Variants in PTPRN observed in about 807,000 individuals in gnomAD.
PTPRN encodes the protein receptor-type tyrosine-protein phosphatase-like N.
PTPRN carries 70 observed loss-of-function variants against 108.5 expected under a neutral mutation model. The observed-to-expected ratio is 0.65, with a 90% CI of 0.53 to 0.79. The LOEUF is 0.79. Ranked by LOEUF, PTPRN falls within the 30% of genes least tolerant of loss-of-function variation. The pLI, the probability that PTPRN is intolerant of heterozygous loss-of-function variation, is 0.00. For missense variants in PTPRN, 1,136 were observed against 1,295.5 expected, an observed-to-expected ratio of 0.88 and a Z score of 1.89; for synonymous variants, 496 against 524.6, an observed-to-expected ratio of 0.95 and a Z score of 0.75.
Position 219,297,973 on chromosome 2 carries a change from A to G in PTPRN, c.1799T>C (p.Val600Ala). 1 of 1,613,860 alleles carries G rather than the reference A, an allele frequency of 6.2e-7. No homozygotes were observed. The highest frequency in any genetic ancestry group is 8.5e-7 in the Non-Finnish European group (1 of 1,179,984). ...LLVALAVALC[V>A]RQHARQQDKE... Reference sequence around the variant, plus strand: ...GTCTTGCTGCCGCGCATGCTGCCGCACACACAGAGCCACAGCCAGAGCCAC... The same window carrying G: ...GTCTTGCTGCCGCGCATGCTGCCGCGCACACAGAGCCACAGCCAGAGCCAC... The change falls in exon 13 of 23, where the codon GTG becomes GCG. Residue 600 changes from valine (V) to alanine (A), a missense_variant. Transcript: ENST00000295718. This position sits in a 1 kb window ranked among gnomAD's most constrained non-coding sequence, Gnocchi z 6.0.
chr2:219,290,531 T>C lies in PTPRN; in HGVS notation c.2868+7A>G. ...GAGCTGGGGTTGGGGCAGGAAGGCA[T>C]GGTCACCTTAGAGCGGACAAGGCCA... On this transcript the variant is annotated splice_region_variant and intron_variant, in intron 22 of 22. Coordinates refer to ENST00000295718, the MANE Select transcript of PTPRN (RefSeq NM_002846.4). This position sits in a 1 kb window ranked among gnomAD's most constrained non-coding sequence, Gnocchi z 4.2. 3 of 1,551,026 alleles carry C rather than the reference T, an allele frequency of 1.9e-6. No homozygotes were observed. The highest frequency in any genetic ancestry group is 2.6e-6 in the Non-Finnish European group (3 of 1,146,548).
intron 7 of PTPRN, among the ~76,000 whole-genome samples, chr2:219,301,306 C>G (rs1952339628): frequency 6.9e-6 from 1 of 145,782 alleles, no homozygotes; most frequent in Non-Finnish European, 1.5e-5. Flanking sequence ...CTCATTGTCA[C>G]CAACCCATCC....
chr2:219,307,540 A>G lies in PTPRN; in HGVS notation c.184T>C (p.Cys62Arg). The change falls in exon 3 of 23, where the codon TGC becomes CGC. Residue 62 changes from cysteine (C) to arginine (R), a missense_variant. Physicochemically the swap from Cys to Arg is radical, Grantham distance 180. Transcript: ENST00000295718. The stretch of plus-strand genomic sequence containing the variant: ...CGGGCCTGCCCCACTCCCACCTGGC[A>G]CTGCCCAAACAAGCCATCTAAGGGC... ...VCIQDGLFGQ[C>R]QVGVGQARPL... 6.2e-7 allele frequency: 1 copy of G among 1,614,092 alleles called. No individual in the cohort carries two copies. Among genetic ancestry groups the G allele is most frequent in the Non-Finnish European group, 8.5e-7 (1 of 1,179,990 alleles).
rs749059438 is a variant in PTPRN, at chr2:219,301,637, T to G, written c.1077A>C (p.Thr359=). The G allele has an allele frequency of 6.2e-7, 1 of 1,613,276 alleles. No individual in the cohort carries two copies. The highest frequency in any genetic ancestry group is 8.5e-7 in the Non-Finnish European group (1 of 1,179,388). ...LRQLTPEQLS[T]LLTLLQLLPK... ...GCAGTAGCTGCAGCAGGGTCAGGAG[T>G]GTGGAGAGCTGCTCAGGGGTCAGCT... The change falls in exon 7 of 23, where the codon ACA becomes ACC. Residue 359 remains threonine (T), a synonymous_variant. Transcript: ENST00000295718.
At position 219,307,837 on chromosome 2, in the gene PTPRN, G is replaced by A; in HGVS notation, c.121C>T (p.Leu41=). The part of the protein sequence containing the change: ...GCSAVSAHGC[L]FDRRLCSHLE... ...TGAGAGCAGAGCCTGCGGTCAAATAGACAGCCTGTAGAGGAAAAGGTGAGC... is the reference window on the plus strand; with the variant it reads ...TGAGAGCAGAGCCTGCGGTCAAATAAACAGCCTGTAGAGGAAAAGGTGAGC... Residue 41 remains leucine, a synonymous_variant, in exon 2 of 23, where the codon CTA becomes TTA. Coordinates refer to ENST00000295718, the MANE Select transcript of PTPRN (RefSeq NM_002846.4). 6.2e-7 allele frequency: 1 copy of A among 1,614,188 alleles called. No homozygotes were observed. Among genetic ancestry groups the A allele is most frequent in the Non-Finnish European group, 8.5e-7 (1 of 1,180,018 alleles).
chr2:219,297,212 GGGCCCA>G lies in PTPRN; in HGVS notation c.2088+15_2088+20del. On this transcript the variant is annotated intron_variant, in intron 14 of 22. Coordinates refer to ENST00000295718, the MANE Select transcript of PTPRN (RefSeq NM_002846.4). The surrounding 1 kb of genome is among the most constrained non-coding windows in gnomAD (Gnocchi z 6.0). The stretch of plus-strand genomic sequence containing the variant: ...ACCATCCCATTCCTTCACCCACTCT[GGGCCCA>G]GGCCCTGTCCTGACCAGAATCATGT... The G allele has an allele frequency of 6.2e-7, 1 of 1,611,530 alleles. No individual in the cohort carries two copies.
intron 19 of PTPRN, 79 bp downstream of exon 19, chr2:219,294,896 G>T: frequency 7.4e-7 from 1 of 1,343,628 alleles, no homozygotes; most frequent in Non-Finnish European, 9.7e-7. Flanking sequence ...CCGACCCGGG[G>T]CTCCAGGCCG....
rs1047963288 is a variant in PTPRN at position 219,296,791 on chromosome 2, C to G, written c.2268G>C (p.Glu756Asp). Residue 756 changes from glutamate (E) to aspartate (D), a missense_variant, in exon 16 of 23, where the codon GAG becomes GAC. By Grantham distance (45) the Glu-to-Asp change is conservative. Transcript: ENST00000295718. The surrounding 1 kb of genome is among the most constrained non-coding windows in gnomAD (Gnocchi z 6.0). ...YDHARIKLKVESSPSRSDYIN... is the reference protein window; with the variant it reads ...YDHARIKLKVDSSPSRSDYIN... ...TGTAATCGCTCCGAGAAGGGCTGCT[C>G]TCCACCTTCAGTTTTATGCGGGCAT... 6.2e-7 allele frequency: 1 copy of G among 1,614,074 alleles called. No homozygotes were observed. The highest frequency in any genetic ancestry group is 8.5e-7 in the Non-Finnish European group (1 of 1,179,994).
At chr2:219,293,609 T>G (rs1472909547) in intron 19 of PTPRN, among the ~76,000 whole-genome samples, 1 of 152,224 alleles carries the variant, frequency 6.6e-6, no homozygotes, top group Non-Finnish European at 1.5e-5. Flanking sequence ...ATGCACTAGT[T>G]CTACCAGGAT....
At position 219,290,240 on chromosome 2, in the gene PTPRN, C is replaced by T. The variant is rs150698514; in HGVS notation, c.2926G>A (p.Ala976Thr). The T allele has an allele frequency of 1.2e-6, 2 of 1,613,998 alleles. No individual in the cohort carries two copies. The highest frequency in any genetic ancestry group is 1.3e-5 in the African/African-American group (1 of 75,020). The change falls in exon 23 of 23, where the codon GCC becomes ACC. Residue 976 changes from alanine to threonine, a missense_variant. Ala to Thr is a moderately conservative substitution (Grantham distance 58). Transcript: ENST00000295718. This position sits in a 1 kb window ranked among gnomAD's most constrained non-coding sequence, Gnocchi z 4.2. ...GCCCCAGGGTCTCACTGGGGCAGGGCCTTGAGGATGGCATTCACTTCCTCC... is the reference window on the plus strand; with the variant it reads ...GCCCCAGGGTCTCACTGGGGCAGGGTCTTGAGGATGGCATTCACTTCCTCC... Reference protein sequence around the residue: ...VAEEVNAILKALPQ With the variant: ...VAEEVNAILKTLPQ
Position 219,295,149 on chromosome 2 carries a change from G to A in PTPRN, c.2509-8C>T. On this transcript the variant is annotated splice_region_variant and splice_polypyrimidine_tract_variant and intron_variant, in intron 18 of 22. Coordinates refer to ENST00000295718, the MANE Select transcript of PTPRN (RefSeq NM_002846.4). The stretch of plus-strand genomic sequence containing the variant: ...CTCCGACACCAGGTTCACCTGCCCG[G>A]CAGGGGCCCAGGCCTGAGCGCCGCG... 1.2e-6 allele frequency: 2 copies of A among 1,607,366 alleles called. No homozygotes were observed. The highest frequency in any genetic ancestry group is 1.3e-5 in the African/African-American group (1 of 74,338).
chr2:219,297,813 T>C lies in PTPRN; in HGVS notation c.1887+72A>G, dbSNP rs1388776611. 6.7e-7 allele frequency: 1 copy of C among 1,487,414 alleles called. No individual in the cohort carries two copies. The allele number at this position is 1,487,414 out of a possible 1,614,324, so 92.1% of individuals were successfully genotyped here. On this transcript the variant is annotated intron_variant, in intron 13 of 22. Coordinates refer to ENST00000295718, the MANE Select transcript of PTPRN (RefSeq NM_002846.4). The surrounding 1 kb of genome is among the most constrained non-coding windows in gnomAD (Gnocchi z 6.0). The stretch of plus-strand genomic sequence containing the variant: ...TCACTCCCCATTCAGTTCCGACCCT[T>C]AGTCCACGCAAGACCCAGACTCCCA...
At chr2:219,301,456 A>G in intron 7 of PTPRN, 132 bp downstream of exon 7, 6 of 1,294,946 alleles carry the variant, frequency 4.6e-6, no homozygotes, top group African/African-American at 1.5e-5. Flanking sequence ...CAATGACCCT[A>G]TGTCTCAAAG....
chr2:219,305,902 T>G (rs1003153871), intron 3 of PTPRN, among the ~76,000 whole-genome samples: 2 of 152,116 alleles, frequency 1.3e-5, no homozygotes, highest in African/African-American at 4.8e-5. Flanking sequence ...GTAATCCCAG[T>G]ACTTTGGGAG....
chr2:219,297,716 T>C lies in PTPRN; in HGVS notation c.1887+169A>G, dbSNP rs1457554829. Among the ~76,000 whole-genome samples the C allele has an allele frequency of 6.6e-6, 1 of 152,072 alleles. No homozygotes were observed. Among genetic ancestry groups the C allele is most frequent in the Non-Finnish European group, 1.5e-5 (1 of 67,998 alleles). On this transcript the variant is annotated intron_variant, in intron 13 of 22. Coordinates refer to ENST00000295718, the MANE Select transcript of PTPRN (RefSeq NM_002846.4). This position sits in a 1 kb window ranked among gnomAD's most constrained non-coding sequence, Gnocchi z 6.0. ...TATGCTCCCAATTCCCATGCGTTCA[T>C]AAAGGCCCCTACCATACTCCCTCCC...
In PTPRN at chr2:219,302,817, C is replaced by A. The variant is rs748837301; in HGVS notation, c.398G>T (p.Arg133Ile). ...AAGCAGCTCTCCAGCAGGACCAGGT[C>A]TCTTGGGTGCCAAGCCAGACCTGTA... ...PRDRSGLAPK[R>I]PGPAGELLLQ... is the part of the protein sequence containing the mutation. Residue 133 changes from arginine to isoleucine, a missense_variant, in exon 5 of 23, where the codon AGA (arginine) becomes ATA (isoleucine). By Grantham distance (97) the Arg-to-Ile change is moderately conservative. Transcript: ENST00000295718. 6.2e-7 allele frequency: 1 copy of A among 1,613,066 alleles called. No homozygotes were observed. The highest frequency in any genetic ancestry group is 1.7e-5 in the Admixed American group (1 of 59,630).
In PTPRN at chr2:219,300,035, G is replaced by A; in HGVS notation, c.1386C>T (p.Pro462=). ...ATTCCTCTGCTGCTGGGCGGGCTGA[G>A]GGCTGTCCTGCCACCGTGGGCTGGC... The part of the protein sequence containing the change: ...GQSQPTVAGQ[P]SARPAAEEYG... The change falls in exon 9 of 23, where the codon CCC becomes CCT. Residue 462 remains proline, a synonymous_variant. Coordinates refer to ENST00000295718, the MANE Select transcript of PTPRN (RefSeq NM_002846.4). 6.2e-7 allele frequency: 1 copy of A among 1,614,220 alleles called. No homozygotes were observed. The highest frequency in any genetic ancestry group is 8.5e-7 in the Non-Finnish European group (1 of 1,180,044).
intron 10 of PTPRN, 33 bp from the exon 11 acceptor site, chr2:219,299,417 C>T (rs1952284765): frequency 1.9e-6 from 3 of 1,601,832 alleles, no homozygotes; most frequent in Non-Finnish European, 2.6e-6. Flanking sequence ...CTGCCTTCTC[C>T]ACCCCAGACC....
rs546655649 is a variant in PTPRN at position 219,296,767 on chromosome 2, G to A, written c.2292C>T (p.Tyr764=). The A allele has an allele frequency of 2.2e-5, 35 of 1,613,984 alleles. No individual in the cohort carries two copies. The East Asian group carries it at 6.5e-4, about 30-fold the overall frequency. ...CACTCACAATGGGGCTGGCGTTGAT[G>A]TAATCGCTCCGAGAAGGGCTGCTCT... ...KVESSPSRSD[Y]INASPIIEHD... The change falls in exon 16 of 23, where the codon TAC becomes TAT. Residue 764 remains tyrosine, a synonymous_variant. Transcript: ENST00000295718. This position sits in a 1 kb window ranked among gnomAD's most constrained non-coding sequence, Gnocchi z 6.0.
Sources: gnomAD v4.1 joint callset for allele counts (sites outside exome capture counted in the v4.1 genomes callset) on GRCh38, gnomAD v4.1.1 for gene constraint, Gnocchi (gnomAD v3.1) non-coding constraint, MANE v1.5 for transcripts, NCBI Gene and HGNC (gene_info 2026-07-23, HGNC 2026-07-21) for gene names.